The following ERCC4 variants were observed in gnomAD, a reference collection of about 807,000 sequenced individuals.
ERCC4 encodes ERCC excision repair 4, endonuclease catalytic subunit, also known as DNA repair endonuclease XPF.
ERCC4 carries 65 observed loss-of-function variants against 76.9 expected under a neutral mutation model. The observed-to-expected ratio is 0.84, with a 90% CI of 0.69 to 1.04. ERCC4 has a LOEUF of 1.04. Among genes scored for constraint, ERCC4 ranks in the 50% least tolerant of loss-of-function variants. The probability of loss-of-function intolerance (pLI) is 0.00; values close to 1 mark genes in which losing one functional copy is unlikely to be tolerated. For synonymous variants in ERCC4, 463 were observed against 410.1 expected (o/e 1.13, Z -1.56); for missense variants, 1,214 against 1,128.2 (o/e 1.08, Z -1.09).
rs180762894 is a variant in ERCC4, at chr16:13,951,518, T to A, written c.*3171T>A. 4 of 211,956 alleles carry A rather than the reference T, an allele frequency of 1.9e-5. No homozygotes were observed. The highest frequency in any genetic ancestry group is 3.8e-5 in the Non-Finnish European group (4 of 104,550). The allele number at this position is 211,956 out of a possible 1,614,324, so 13.1% of individuals were successfully genotyped here. ...AAATATTATCCTTTTGGCAGTAAGC[T>A]ATTACTAATTCAGCCTGAAGCTCGG... is the stretch of plus-strand genomic sequence containing the variant. On this transcript the variant is annotated 3_prime_UTR_variant, in exon 11 of 11. Coordinates refer to ENST00000311895, the MANE Select transcript of ERCC4 (RefSeq NM_005236.3).
intron 9 of ERCC4, among the ~76,000 whole-genome samples, chr16:13,943,734 T>G (rs906088477): frequency 6.6e-6 from 1 of 152,168 alleles, no homozygotes; most frequent in South Asian, 2.1e-4. Flanking sequence ...TCCAGTTGTT[T>G]TTTTTTTTCT....
intron 8 of ERCC4, among the ~76,000 whole-genome samples, chr16:13,936,179 TGGG>T: frequency 6.6e-6 from 1 of 152,302 alleles, no homozygotes; most frequent in Non-Finnish European, 1.5e-5. Context: ...ACTAAAGTGT[TGGG>T]GGAATTACTG....
At position 13,932,218 on chromosome 16, in the gene ERCC4, T is replaced by C. The variant is rs756986546; in HGVS notation, c.1035T>C (p.His345=). The C allele has an allele frequency of 6.2e-7, 1 of 1,612,492 alleles. No individual in the cohort carries two copies. The highest frequency in any genetic ancestry group is 8.5e-7 in the Non-Finnish European group (1 of 1,178,766). Residue 345 remains histidine (H), a synonymous_variant, in exon 6 of 11, where the codon CAT becomes CAC. Transcript: ENST00000311895. The part of the protein sequence containing the change: ...MFINARARVY[H]LPDAKMSKKE... ...TAAATGCTCGAGCAAGGGTTTATCATCTTCCAGATGCCAAAATGAGTAAAA... is the reference window on the plus strand; with the variant it reads ...TAAATGCTCGAGCAAGGGTTTATCACCTTCCAGATGCCAAAATGAGTAAAA...
In ERCC4 at chr16:13,928,116, A is replaced by G. The variant is rs757128317; in HGVS notation, c.673A>G (p.Ile225Val). ...TTCTATGACACCTACCATGCTTGCT[A>G]TACAGACTGCTATACTGGACATTTT... ...HVSMTPTMLA[I>V]QTAILDILNA... Residue 225 changes from isoleucine to valine, a missense_variant, in exon 4 of 11, where the codon ATA (isoleucine) becomes GTA (valine). Ile to Val is a conservative substitution (Grantham distance 29). Coordinates refer to ENST00000311895, the MANE Select transcript of ERCC4 (RefSeq NM_005236.3). 3 of 1,613,274 alleles carry G rather than the reference A, an allele frequency of 1.9e-6. No individual in the cohort carries two copies. Among genetic ancestry groups the G allele is most frequent in the Non-Finnish European group, 1.7e-6 (2 of 1,179,418 alleles).
Position 13,930,752 on chromosome 16 carries a change from G to T in ERCC4, c.835G>T (p.Ala279Ser), listed in dbSNP as rs1188692123. ...GGATCCTTTGTGGCACCAGCTTGGA[G>T]CCAAGACTAAATCCTTAGTTCAGGA... is the stretch of plus-strand genomic sequence containing the variant. ...YLDPLWHQLGAKTKSLVQDLK... is the reference protein window; with the variant it reads ...YLDPLWHQLGSKTKSLVQDLK... Residue 279 changes from alanine to serine, a missense_variant, in exon 5 of 11, where the codon GCC (alanine) becomes TCC (serine). Coordinates refer to ENST00000311895, the MANE Select transcript of ERCC4 (RefSeq NM_005236.3). 1 of 1,613,900 alleles carries T rather than the reference G, an allele frequency of 6.2e-7. No individual in the cohort carries two copies. The highest frequency in any genetic ancestry group is 8.5e-7 in the Non-Finnish European group (1 of 1,179,800).
rs1289347624 is a variant in ERCC4, at chr16:13,951,640, G to A, written c.*3293G>A. 2 of 217,502 alleles carry A rather than the reference G, an allele frequency of 9.2e-6. No individual in the cohort carries two copies. Among genetic ancestry groups the A allele is most frequent in the African/African-American group, 2.3e-5 (1 of 44,416 alleles). 13.5% of individuals were successfully genotyped at this position (217,502 alleles called of 1,614,324 possible). A position where few individuals can be genotyped will look rare whatever the true frequency, so the allele number is the denominator to read the frequency against. ...GTCTTATTCATCAACCCACTAGGATGTGAAGGGTTAAGTCTAGATTTGGTC... is the reference window on the plus strand; with the variant it reads ...GTCTTATTCATCAACCCACTAGGATATGAAGGGTTAAGTCTAGATTTGGTC... On this transcript the variant is annotated 3_prime_UTR_variant, in exon 11 of 11. Transcript: ENST00000311895.
intron 1 of ERCC4, 36 bp downstream of exon 1, chr16:13,920,408 G>T (rs2031948871): frequency 1.3e-6 from 2 of 1,522,340 alleles, no homozygotes; most frequent in Non-Finnish European, 1.8e-6. Context: ...AGGGGACTCC[G>T]AGAGTGTTGA....
intron 4 of ERCC4, among the ~76,000 whole-genome samples, chr16:13,930,286 A>G (rs1475409348): frequency 2.6e-5 from 4 of 152,020 alleles, no homozygotes; most frequent in Non-Finnish European, 5.9e-5. Flanking sequence ...GTCTTTATCC[A>G]TCCAGGATAG....
chr16:13,934,215 G>A lies in ERCC4; in HGVS notation c.1126G>A (p.Glu376Lys). The change falls in exon 7 of 11, where the codon GAA becomes AAA. Residue 376 changes from glutamate (E) to lysine (K), a missense_variant. Glu to Lys is a moderately conservative substitution (Grantham distance 56). Transcript: ENST00000311895. Reference sequence around the variant, plus strand: ...AGAAACAAAAAAGGAACTGGTCCTAGAAAGCAACCCAAAGTGGGAGGCACT... The same window carrying A: ...AGAAACAAAAAAGGAACTGGTCCTAAAAAGCAACCCAAAGTGGGAGGCACT... The part of the protein sequence containing the change: ...GEETKKELVL[E>K]SNPKWEALTE... The A allele has an allele frequency of 1.2e-6, 2 of 1,612,642 alleles. No homozygotes were observed. The highest frequency in any genetic ancestry group is 1.1e-5 in the South Asian group (1 of 91,042).
intron 10 of ERCC4, among the ~76,000 whole-genome samples, chr16:13,947,377 G>C (rs773724389): frequency 1.8e-4 from 27 of 152,184 alleles, no homozygotes; most frequent in Non-Finnish European, 3.2e-4. Context: ...ATGAATCATC[G>C]CAAGTAAGGA....
In ERCC4 at chr16:13,946,679, T is replaced by C. The variant is rs912050363; in HGVS notation, c.2018-935T>C. Among the ~76,000 whole-genome samples, 12 of 152,200 alleles carry C rather than the reference T, an allele frequency of 7.9e-5. No homozygotes were observed. In the South Asian group the frequency reaches 2.5e-3, roughly 31 times the overall value. ...CAAGCAGCATTAGCATCACCTGGCA[T>C]TTTGTTATGAATGCAGATTCTTAGA... On this transcript the variant is annotated intron_variant, in intron 10 of 10. Coordinates refer to ENST00000311895, the MANE Select transcript of ERCC4 (RefSeq NM_005236.3).
chr16:13,947,962 CTCT>C lies in ERCC4; in HGVS notation c.2371_2373del (p.Leu791del). The C allele has an allele frequency of 1.2e-6, 2 of 1,614,194 alleles. No homozygotes were observed. Among genetic ancestry groups the C allele is most frequent in the African/African-American group, 2.7e-5 (2 of 75,034 alleles). ...AGCAATGACATTAGTTCCAAACTCA[CTCT>C]TCTTACACTTCACTTCCCCAGACTA... On this transcript the variant is annotated inframe_deletion, in exon 11 of 11. Transcript: ENST00000311895.
intron 6 of ERCC4, chr16:13,933,975 G>A (rs2032233288): frequency 2.1e-6 from 1 of 478,232 alleles, no homozygotes; most frequent in South Asian, 2.3e-5. Context: ...TTTCTACCAA[G>A]GCATTTTGAA....
chr16:13,929,194 G>A lies in ERCC4; in HGVS notation c.792+959G>A, dbSNP rs576436263. Among the ~76,000 whole-genome samples the A allele has an allele frequency of 5.0e-4, 76 of 152,020 alleles. 1 individual carries two copies. The South Asian group carries it at 0.014, about 28-fold the overall frequency. On this transcript the variant is annotated intron_variant, in intron 4 of 10. Transcript: ENST00000311895. ...ACTGAATTTCTGTTGATTATCCCCC[G>A]GTTAGTAACAGTCACTTCATTGTTT...
intron 1 of ERCC4, among the ~76,000 whole-genome samples, chr16:13,921,049 A>C (rs1474620474): frequency 6.6e-6 from 1 of 152,118 alleles, no homozygotes; most frequent in Non-Finnish European, 1.5e-5. Flanking sequence ...AGAGTCCTGA[A>C]GTTGGCCATT....
rs191284574 is a variant in ERCC4, at chr16:13,945,501, C to T, written c.2017+666C>T. Among the ~76,000 whole-genome samples the T allele has an allele frequency of 3.2e-3, 490 of 152,270 alleles. 5 individuals are homozygous for T. Among genetic ancestry groups the T allele is most frequent in the Non-Finnish European group, 3.4e-3 (229 of 68,026 alleles). On this transcript the variant is annotated intron_variant, in intron 10 of 10. Coordinates refer to ENST00000311895, the MANE Select transcript of ERCC4 (RefSeq NM_005236.3). The stretch of plus-strand genomic sequence containing the variant: ...GCCAGGTGGCATGAGAAAAGCAATA[C>T]GATTGAGTTGGTTTAACCTTCGGTG...
At chr16:13,946,763 T>C (rs1422815293) in intron 10 of ERCC4, among the ~76,000 whole-genome samples, 2 of 152,122 alleles carry the variant, frequency 1.3e-5, no homozygotes, top group Non-Finnish European at 2.9e-5. Context: ...TTTGTTTGTT[T>C]GTTTGTTTGT....
intron 2 of ERCC4, 155 bp downstream of exon 2, chr16:13,922,366 C>G (rs1462519159): frequency 1.3e-6 from 1 of 761,902 alleles, no homozygotes; most frequent in African/African-American, 1.7e-5. Flanking sequence ...TGGGGCAGCA[C>G]CCACAGGTCT....
At chr16:13,926,452 G>A (rs1347419809) in intron 2 of ERCC4, 109 bp from the exon 3 acceptor site, 3 of 936,138 alleles carry the variant, frequency 3.2e-6, no homozygotes, top group Non-Finnish European at 1.8e-6. Context: ...TATATGCCCA[G>A]TCTAGAATGG....
Sources: allele counts gnomAD v4.1 joint callset (sites outside exome capture counted in the v4.1 genomes callset), GRCh38; gene constraint gnomAD v4.1.1; transcripts MANE v1.5; gene names NCBI Gene and HGNC (gene_info 2026-07-23, HGNC 2026-07-21).